ATP5F1C: variants seen among roughly 807,000 people sequenced by gnomAD.
ATP5F1C encodes ATP synthase F1 subunit gamma, also known as ATP synthase F(1) complex subunit gamma, mitochondrial.
A neutral mutation model predicts 37.4 loss-of-function variants in ATP5F1C; 22 were observed. The observed-to-expected ratio is 0.59, with a 90% CI of 0.42 to 0.84. The LOEUF (loss-of-function observed/expected upper bound fraction) is 0.84. Ranked by LOEUF, ATP5F1C falls within the 40% of genes least tolerant of loss-of-function variation. The probability of loss-of-function intolerance (pLI) is 0.00; values close to 1 mark genes in which losing one functional copy is unlikely to be tolerated. For missense variants in ATP5F1C, 286 were observed against 362.4 expected (o/e 0.79, Z 1.71); for synonymous variants, 121 against 128.0 (o/e 0.95, Z 0.37).
chr10:7,804,351 T>C (rs1183098000), intron 8 of ATP5F1C, among the ~76,000 whole-genome samples: 1 of 152,210 alleles, frequency 6.6e-6, no homozygotes, highest in Non-Finnish European at 1.5e-5. Context: ...CTCTTCCCAG[T>C]CCAGTCTCTT....
At chr10:7,795,396 TTCCCCC>T (rs1836221567) in intron 1 of ATP5F1C, among the ~76,000 whole-genome samples, 1 of 152,214 alleles carries the variant, frequency 6.6e-6, no homozygotes, top group African/African-American at 2.4e-5. Context: ...TTAGCATGTC[TTCCCCC>T]ATTAGGCCAG....
intron 7 of ATP5F1C, 95 bp downstream of exon 7, chr10:7,802,520 A>G: frequency 7.2e-7 from 1 of 1,397,672 alleles, no homozygotes; most frequent in Non-Finnish European, 9.8e-7. Flanking sequence ...TAGCATCAAC[A>G]ACATTAACAT....
chr10:7,795,421 T>G (rs1468182917), intron 1 of ATP5F1C, among the ~76,000 whole-genome samples: 1 of 152,216 alleles, frequency 6.6e-6, no homozygotes, highest in African/African-American at 2.4e-5. Flanking sequence ...AGGAATTCTC[T>G]CATATTCATC....
At chr10:7,789,200 G>T (rs958893694) in intron 1 of ATP5F1C, among the ~76,000 whole-genome samples, 1 of 152,142 alleles carries the variant, frequency 6.6e-6, no homozygotes, top group African/African-American at 2.4e-5. Flanking sequence ...ACGCTGCTAA[G>T]GGGATTCTAG....
intron 8 of ATP5F1C, among the ~76,000 whole-genome samples, chr10:7,805,057 G>C (rs1040841112): frequency 3.9e-5 from 6 of 152,194 alleles, no homozygotes; most frequent in East Asian, 3.9e-4. Context: ...AAGCACAGCT[G>C]TGTTAGGACT....
intron 3 of ATP5F1C, 116 bp downstream of exon 3, chr10:7,797,294 T>G: frequency 7.5e-7 from 1 of 1,337,096 alleles, no homozygotes; most frequent in Non-Finnish European, 1.0e-6. Context: ...ACTTGCCATG[T>G]ACTTATTTTT....
chr10:7,795,988 C>G, intron 1 of ATP5F1C, 133 bp from the exon 2 acceptor site: 1 of 677,830 alleles, frequency 1.5e-6, no homozygotes, highest in Non-Finnish European at 2.5e-6. Context: ...CATATACATT[C>G]TGAGTCCTGT....
At chr10:7,796,688 C>T (rs191694088) in intron 2 of ATP5F1C, 48 of 160,822 alleles carry the variant, frequency 3.0e-4, no homozygotes, top group Admixed American at 2.9e-3. Flanking sequence ...GGGTTCACGC[C>T]GTTCTCCTGC....
chr10:7,802,259 T>G lies in ATP5F1C; in HGVS notation c.638-11T>G. ...TATAACTTGAAAGAAACTCATCACT[T>G]GTTTTAACAGACAGCATGAGTATCT... On this transcript the variant is annotated splice_polypyrimidine_tract_variant and intron_variant, in intron 6 of 9. Coordinates refer to ENST00000356708, the MANE Select transcript of ATP5F1C (RefSeq NM_001001973.3). The G allele has an allele frequency of 6.3e-7, 1 of 1,593,962 alleles. No homozygotes were observed. Among genetic ancestry groups the G allele is most frequent in the African/African-American group, 1.3e-5 (1 of 74,368 alleles).
chr10:7,799,499 A>G (rs1158602150), intron 4 of ATP5F1C: 4 of 560,940 alleles, frequency 7.1e-6, no homozygotes, highest in African/African-American at 3.7e-5. Context: ...GAGCTGTTAC[A>G]GCCTGGAAAT....
Position 7,799,254 on chromosome 10 carries a change from C to G in ATP5F1C, c.428+60C>G. On this transcript the variant is annotated intron_variant, in intron 4 of 9. Transcript: ENST00000356708. Reference sequence around the variant, plus strand: ...ATGTAAGCACGAATAAATCTTCTCTCAAAAGTTTTGACAAACTCTCAAAAC... The same window carrying G: ...ATGTAAGCACGAATAAATCTTCTCTGAAAAGTTTTGACAAACTCTCAAAAC... 2.0e-6 allele frequency: 3 copies of G among 1,517,232 alleles called. No individual in the cohort carries two copies. The South Asian group carries it at 3.5e-5, about 18-fold the overall frequency. 94.0% of individuals were successfully genotyped at this position (1,517,232 alleles called of 1,614,324 possible). A position where few individuals can be genotyped will look rare whatever the true frequency, so the allele number is the denominator to read the frequency against.
At chr10:7,797,698 G>A (rs186669705) in intron 3 of ATP5F1C, among the ~76,000 whole-genome samples, 66 of 152,226 alleles carry the variant, frequency 4.3e-4, no homozygotes. Context: ...TTGTGGTCAT[G>A]GATATGACTC....
chr10:7,799,692 G>A (rs1265881889), intron 4 of ATP5F1C, 80 bp from the exon 5 acceptor site: 2 of 1,533,082 alleles, frequency 1.3e-6, no homozygotes, highest in East Asian at 2.3e-5. Context: ...TGGTGACAAT[G>A]TTTTCTCCTG....
At position 7,795,291 on chromosome 10, in the gene ATP5F1C, A is replaced by G. The variant is rs1034188997; in HGVS notation, c.57-830A>G. Among the ~76,000 whole-genome samples the G allele has an allele frequency of 2.6e-5, 4 of 152,142 alleles. No homozygotes were observed. In the South Asian group the frequency reaches 8.3e-4, roughly 32 times the overall value. On this transcript the variant is annotated intron_variant, in intron 1 of 9. Transcript: ENST00000356708. ...CCCTCCTCACATCTCTACTTTGTGC[A>G]CACATTTCATCATGCTCAGTTCTCC...
At chr10:7,797,406 A>G (rs1273246881) in intron 3 of ATP5F1C, among the ~76,000 whole-genome samples, 1 of 152,234 alleles carries the variant, frequency 6.6e-6, no homozygotes, top group African/African-American at 2.4e-5. Flanking sequence ...TGAAGCACAC[A>G]GAAGTTAAGT....
In ATP5F1C at chr10:7,797,123, T is replaced by G. The variant is rs770622560; in HGVS notation, c.168T>G (p.Tyr56Ter). Residue 56 changes from tyrosine to a stop codon, truncating the protein, a stop_gained, in exon 3 of 10, where the codon TAT becomes TAG. Coordinates refer to ENST00000356708, the MANE Select transcript of ATP5F1C (RefSeq NM_001001973.3). LOFTEE classifies it high-confidence loss of function. ...KSMKMVAAAK[Y>*]ARAERELKPA... Reference sequence around the variant, plus strand: ...TGAAAATGGTAGCGGCAGCAAAATATGCCCGAGCTGAGAGAGAGCTGAAAC... The same window carrying G: ...TGAAAATGGTAGCGGCAGCAAAATAGGCCCGAGCTGAGAGAGAGCTGAAAC... 3 of 1,613,996 alleles carry G rather than the reference T, an allele frequency of 1.9e-6. No homozygotes were observed. In the African/African-American group the frequency reaches 4.0e-5, roughly 22 times the overall value.
rs1171759586 is a variant in ATP5F1C, at chr10:7,807,668, G to A, written c.*40G>A. Reference sequence around the variant, plus strand: ...GTACTTTGTTTTTCAGGTAAAGAAGGAAAATTCAGCCAGTTGATTTTGTTT... The same window carrying A: ...GTACTTTGTTTTTCAGGTAAAGAAGAAAAATTCAGCCAGTTGATTTTGTTT... On this transcript the variant is annotated 3_prime_UTR_variant, in exon 10 of 10. Transcript: ENST00000356708. The A allele has an allele frequency of 3.1e-6, 5 of 1,607,150 alleles. No homozygotes were observed. The highest frequency in any genetic ancestry group is 4.3e-6 in the Non-Finnish European group (5 of 1,176,382).
chr10:7,803,986 G>A (rs149572377), intron 8 of ATP5F1C, among the ~76,000 whole-genome samples: 2,281 of 152,230 alleles, frequency 0.015, 26 homozygotes, highest in Non-Finnish European at 0.022. Flanking sequence ...CCCCTTAAGT[G>A]TCAGGCCCTG....
chr10:7,797,059 T>G lies in ATP5F1C; in HGVS notation c.104T>G (p.Leu35Arg), dbSNP rs201403019. ...MATLKDITRR[L>R]KSIKNIQKIT... ...TTCTATTTTTCAGTCACCAGGAGAC[T>G]AAAGTCCATCAAAAACATCCAGAAA... The change falls in exon 3 of 10, where the codon CTA becomes CGA. Residue 35 changes from leucine to arginine, a missense_variant. Coordinates refer to ENST00000356708, the MANE Select transcript of ATP5F1C (RefSeq NM_001001973.3). The G allele has an allele frequency of 6.2e-7, 1 of 1,614,144 alleles. No homozygotes were observed. Among genetic ancestry groups the G allele is most frequent in the South Asian group, 1.1e-5 (1 of 91,084 alleles).
Sources: allele counts gnomAD v4.1 joint callset (sites outside exome capture counted in the v4.1 genomes callset), GRCh38; gene constraint gnomAD v4.1.1; transcripts MANE v1.5; gene names NCBI Gene and HGNC (gene_info 2026-07-23, HGNC 2026-07-21).